ESRRA: variants seen among roughly 807,000 people sequenced by gnomAD.
The protein encoded by ESRRA is estrogen related receptor alpha.
A neutral mutation model predicts 35.6 loss-of-function variants in ESRRA; 7 were observed. The observed-to-expected ratio is 0.20, with a 90% CI of 0.11 to 0.37. The LOEUF is 0.37. Ranked by LOEUF, ESRRA falls within the 10% of genes least tolerant of loss-of-function variation. The probability of loss-of-function intolerance (pLI) is 1.00; values close to 1 mark genes in which losing one functional copy is unlikely to be tolerated. For synonymous variants in ESRRA, 223 were observed against 246.9 expected (o/e 0.90, Z 0.91); for missense variants, 378 against 561.7 (o/e 0.67, Z 3.31).
Position 64,314,328 on chromosome 11 carries a change from G to A in ESRRA, c.532G>A (p.Ala178Thr). 1 of 1,604,172 alleles carries A rather than the reference G, an allele frequency of 6.2e-7. No homozygotes were observed. The highest frequency in any genetic ancestry group is 8.5e-7 in the Non-Finnish European group (1 of 1,175,734). Residue 178 changes from alanine to threonine, a missense_variant, in exon 4 of 7, where the codon GCT (alanine) becomes ACT (threonine). Ala to Thr is a moderately conservative substitution (Grantham distance 58). Transcript: ENST00000000442. ...ACTGCCCTTCCCGGGCCCCTTCCCT[G>A]CTGGGCCCCTGGCAGTCGCTGGAGG... ...DPLPFPGPFP[A>T]GPLAVAGGPR... is the part of the protein sequence containing the mutation.
intron 2 of ESRRA, among the ~76,000 whole-genome samples, chr11:64,310,875 A>C (rs2035127812): frequency 6.6e-6 from 1 of 152,052 alleles, no homozygotes; most frequent in African/African-American, 2.4e-5. Flanking sequence ...CTTGGCCAAA[A>C]TCCACCAATC....
chr11:64,315,616 TC>T (rs1844356583), intron 6 of ESRRA, 90 bp from the exon 7 acceptor site: 8 of 1,524,536 alleles, frequency 5.2e-6, no homozygotes, highest in South Asian at 2.4e-5. Flanking sequence ...GTTTGGCTCT[TC>T]CTTAGGCCCC....
In ESRRA at chr11:64,312,630, C is replaced by G. The variant is rs555526353; in HGVS notation, c.326-1321C>G. ...CTAGTGCTGGGGCCAGTTCCTGCCC[C>G]GGTGGAGCTGCCACTGAAGGGGGAG... On this transcript the variant is annotated intron_variant, in intron 2 of 6. Transcript: ENST00000000442. Among the ~76,000 whole-genome samples the G allele has an allele frequency of 3.2e-4, 48 of 152,264 alleles. 3 individuals are homozygous for G. In the South Asian group the frequency reaches 9.9e-3, roughly 32 times the overall value.
chr11:64,310,192 G>A (rs73502313), intron 2 of ESRRA, among the ~76,000 whole-genome samples: 3,504 of 150,954 alleles, frequency 0.023, 143 homozygotes, highest in African/African-American at 0.081. Context: ...TAATAACACC[G>A]AACTTTGGAC....
intron 6 of ESRRA, 44 bp from the exon 7 acceptor site, chr11:64,315,663 C>A: frequency 6.2e-7 from 1 of 1,605,132 alleles, no homozygotes; most frequent in Non-Finnish European, 8.5e-7. Flanking sequence ...AGTGCCCTTG[C>A]CAGAGATAGC....
rs1342464755 is a variant in ESRRA at position 64,313,979 on chromosome 11, C to T, written c.354C>T (p.Ser118=). ...GCATCGAGTACAGCTGTCCGGCCTC[C>T]AACGAGTGTGAGATCACCAAGCGGA... is the stretch of plus-strand genomic sequence containing the variant. ...QGSIEYSCPA[S]NECEITKRRR... The change falls in exon 3 of 7, where the codon TCC becomes TCT. Residue 118 remains serine (S), a synonymous_variant. Transcript: ENST00000000442. The surrounding 1 kb of genome is among the most constrained non-coding windows in gnomAD (Gnocchi z 4.0). 1.2e-5 allele frequency: 19 copies of T among 1,582,112 alleles called. No homozygotes were observed. Among genetic ancestry groups the T allele is most frequent in the Non-Finnish European group, 1.5e-5 (18 of 1,164,318 alleles).
At chr11:64,311,797 A>G (rs2035145058) in intron 2 of ESRRA, among the ~76,000 whole-genome samples, 1 of 151,492 alleles carries the variant, frequency 6.6e-6, no homozygotes, top group African/African-American at 2.4e-5. Context: ...GGTTCAAGCG[A>G]TTGTTCTCCC....
Position 64,314,314 on chromosome 11 carries a change from C to T in ESRRA, c.518C>T (p.Pro173Leu), listed in dbSNP as rs45585533. The change falls in exon 4 of 7, where the codon CCG becomes CTG. Residue 173 changes from proline to leucine, a missense_variant. Pro to Leu is a moderately conservative substitution (Grantham distance 98, BLOSUM62 -3). Coordinates refer to ENST00000000442, the MANE Select transcript of ESRRA (RefSeq NM_004451.5). ...RRPEVDPLPF[P>L]GPFPAGPLAV... ...CCGGAGGTGGACCCACTGCCCTTCC[C>T]GGGCCCCTTCCCTGCTGGGCCCCTG... The T allele has an allele frequency of 5.6e-5, 90 of 1,608,002 alleles. No homozygotes were observed. Among genetic ancestry groups the T allele is most frequent in the Non-Finnish European group, 5.3e-5 (63 of 1,177,802 alleles).
rs747579983 is a variant in ESRRA at position 64,315,700 on chromosome 11, C to T, written c.1013-7C>T. On this transcript the variant is annotated splice_polypyrimidine_tract_variant and splice_region_variant and intron_variant, in intron 6 of 6. Transcript: ENST00000000442. ...CAGGCCAACACCACATTCCTCTCTT[C>T]TTGCAGACTCTGTGCACATCGAAGA... 1.9e-6 allele frequency: 3 copies of T among 1,608,220 alleles called. No homozygotes were observed. The South Asian group carries it at 3.3e-5, about 18-fold the overall frequency.
At chr11:64,311,905 A>C (rs1237559130) in intron 2 of ESRRA, among the ~76,000 whole-genome samples, 1 of 146,878 alleles carries the variant, frequency 6.8e-6, no homozygotes, top group Non-Finnish European at 1.5e-5. Flanking sequence ...GGCTGGTCTC[A>C]AACTCCTCAC....
intron 2 of ESRRA, among the ~76,000 whole-genome samples, chr11:64,308,503 A>G (rs1020177502): frequency 2.3e-5 from 3 of 132,586 alleles, no homozygotes; most frequent in African/African-American, 8.6e-5. Flanking sequence ...AGCCTGGGTG[A>G]CAGAGCGAGA....
At position 64,314,353 on chromosome 11, in the gene ESRRA, G is replaced by C; in HGVS notation, c.557G>C (p.Gly186Ala). Residue 186 changes from glycine to alanine, a missense_variant, in exon 4 of 7, where the codon GGC (glycine) becomes GCC (alanine). This residue lies in a region of ESRRA where 284 missense variants were observed against 411.7 expected (regional missense o/e 0.69). Coordinates refer to ENST00000000442, the MANE Select transcript of ESRRA (RefSeq NM_004451.5). Reference protein sequence around the residue: ...FPAGPLAVAGGPRKTAAPVNA... With the variant: ...FPAGPLAVAGAPRKTAAPVNA... ...GCTGGGCCCCTGGCAGTCGCTGGAGGCCCCCGGAAGACAGGTGAGAGCACT... is the reference window on the plus strand; with the variant it reads ...GCTGGGCCCCTGGCAGTCGCTGGAGCCCCCCGGAAGACAGGTGAGAGCACT... 4 of 1,584,028 alleles carry C rather than the reference G, an allele frequency of 2.5e-6. No individual in the cohort carries two copies. The highest frequency in any genetic ancestry group is 2.6e-6 in the Non-Finnish European group (3 of 1,165,004).
In ESRRA at chr11:64,307,162, G is replaced by C; in HGVS notation, c.-12-6G>C. On this transcript the variant is annotated splice_region_variant and splice_polypyrimidine_tract_variant and intron_variant, in intron 1 of 6. Coordinates refer to ENST00000000442, the MANE Select transcript of ESRRA (RefSeq NM_004451.5). ...TTCCTGCGAACCTATGGGTCTCTCC[G>C]TGCAGGTGACCAGCGCCATGTCCAG... 1.3e-6 allele frequency: 2 copies of C among 1,559,280 alleles called. No individual in the cohort carries two copies. The highest frequency in any genetic ancestry group is 1.7e-6 in the Non-Finnish European group (2 of 1,146,048).
rs548008917 is a variant in ESRRA, at chr11:64,315,606, G to A, written c.1013-101G>A. 410 of 1,482,424 alleles carry A rather than the reference G, an allele frequency of 2.8e-4. 5 individuals carry two copies. In the South Asian group the frequency reaches 4.9e-3, roughly 18 times the overall value. The allele number at this position is 1,482,424 out of a possible 1,614,324, so 91.8% of individuals were successfully genotyped here. On this transcript the variant is annotated intron_variant, in intron 6 of 6. Transcript: ENST00000000442. ...TCAGTCAGCCAATCAACAAATCCTCGTTTGGCTCTTCCTTAGGCCCCATCC... is the reference window on the plus strand; with the variant it reads ...TCAGTCAGCCAATCAACAAATCCTCATTTGGCTCTTCCTTAGGCCCCATCC...
chr11:64,307,123 C>T (rs1565374207), intron 1 of ESRRA, 45 bp from the exon 2 acceptor site: 3 of 1,480,880 alleles, frequency 2.0e-6, no homozygotes, highest in South Asian at 2.7e-5. Flanking sequence ...TCTCCCATCC[C>T]CCATACCAGT....
At chr11:64,307,657 A>G in intron 2 of ESRRA, 153 bp downstream of exon 2, 1 of 582,666 alleles carries the variant, frequency 1.7e-6, no homozygotes, top group Non-Finnish European at 2.8e-6. Flanking sequence ...TTTCCCTGAG[A>G]AGTATGGTAA....
intron 2 of ESRRA, among the ~76,000 whole-genome samples, chr11:64,311,826 G>A (rs542412806): frequency 6.6e-6 from 1 of 151,676 alleles, no homozygotes; most frequent in South Asian, 2.1e-4. Context: ...CCGAGTAGCT[G>A]GGACTACAGG....
intron 2 of ESRRA, among the ~76,000 whole-genome samples, chr11:64,311,392 GTT>G (rs1250689181): frequency 2.0e-5 from 3 of 151,362 alleles, no homozygotes; most frequent in African/African-American, 4.9e-5. Context: ...GGAGGTGCTG[GTT>G]CTGAGGCTCC....
chr11:64,305,687 C>G lies in ESRRA; in HGVS notation c.-62C>G, dbSNP rs1030413087. 3 of 149,144 alleles carry G rather than the reference C, an allele frequency of 2.0e-5. No individual in the cohort carries two copies. The highest frequency in any genetic ancestry group is 3.0e-5 in the Non-Finnish European group (2 of 66,982). The allele number at this position is 149,144 out of a possible 1,614,324, so 9.2% of individuals were successfully genotyped here. ...GCGGCCCCCGGCTCACTCCGGCACT[C>G]CGGGCCGCTCGGCCCCCATGCCTGC... On this transcript the variant is annotated 5_prime_UTR_variant, in exon 1 of 7. Coordinates refer to ENST00000000442, the MANE Select transcript of ESRRA (RefSeq NM_004451.5). The surrounding 1 kb of genome is among the most constrained non-coding windows in gnomAD (Gnocchi z 5.8).
Sources: gnomAD v4.1 joint callset for allele counts (sites outside exome capture counted in the v4.1 genomes callset) on GRCh38, gnomAD v4.1.1 for gene constraint, gnomAD v4.1.1 regional missense constraint, Gnocchi (gnomAD v3.1) non-coding constraint, MANE v1.5 for transcripts, NCBI Gene and HGNC (gene_info 2026-07-23, HGNC 2026-07-21) for gene names.